RXFP2: variants seen among roughly 807,000 people sequenced by gnomAD.
The protein encoded by RXFP2 is relaxin receptor 2.
RXFP2 carries 68 observed loss-of-function variants against 88.6 expected under a neutral mutation model. The observed-to-expected ratio is 0.77, with a 90% CI of 0.63 to 0.94. The LOEUF (loss-of-function observed/expected upper bound fraction) is 0.94. Among genes scored for constraint, RXFP2 ranks in the 40% least tolerant of loss-of-function variants. The pLI is 0.00. For synonymous variants in RXFP2, 329 were observed against 306.8 expected, an observed-to-expected ratio of 1.07 and a Z score of -0.76; for missense variants, 791 against 893.9, an observed-to-expected ratio of 0.88 and a Z score of 1.47.
chr13:31,752,362 G>A (rs1490405922), intron 1 of RXFP2, among the ~76,000 whole-genome samples: 3 of 152,010 alleles, frequency 2.0e-5, no homozygotes, highest in African/African-American at 4.8e-5. Context: ...AGAAGAACAC[G>A]ACAGAAAATA....
intron 11 of RXFP2, 110 bp downstream of exon 11, chr13:31,782,857 A>G: frequency 1.4e-6 from 1 of 711,602 alleles, no homozygotes; most frequent in Non-Finnish European, 2.5e-6. Flanking sequence ...CCTGTAGACT[A>G]TTGGATATTA....
intron 1 of RXFP2, among the ~76,000 whole-genome samples, chr13:31,753,889 A>G (rs1437463918): frequency 6.6e-6 from 1 of 151,998 alleles, no homozygotes; most frequent in Non-Finnish European, 1.5e-5. Flanking sequence ...ACATTAAGTT[A>G]GACAATAGAG....
intron 16 of RXFP2, among the ~76,000 whole-genome samples, chr13:31,794,368 CCACACACACA>C (rs56077729): frequency 0.01 from 1,521 of 145,644 alleles, 10 homozygotes; most frequent in African/African-American, 0.016. Context: ...GAAACACACA[CCACACACACA>C]CACACACACA....
At chr13:31,788,293 T>A (rs1271401802) in intron 13 of RXFP2, among the ~76,000 whole-genome samples, 2 of 152,186 alleles carry the variant, frequency 1.3e-5, no homozygotes, top group East Asian at 1.9e-4. Context: ...CTCAGAACCA[T>A]GTTGAGAAAT....
chr13:31,759,375 GAGAA>G (rs71099990), intron 2 of RXFP2, among the ~76,000 whole-genome samples: 891 of 22,968 alleles, frequency 0.039, 34 homozygotes, highest in East Asian at 0.066. Flanking sequence ...CATTTGGATT[GAGAA>G]AGAAAGAAAG....
intron 16 of RXFP2, 99 bp from the exon 17 acceptor site, chr13:31,797,102 G>T: frequency 1.2e-6 from 1 of 857,140 alleles, no homozygotes; most frequent in South Asian, 1.4e-5. Context: ...AACATTTCTG[G>T]TTTCAAACAT....
intron 5 of RXFP2, 36 bp downstream of exon 5, chr13:31,766,063 A>AT (rs762624336): frequency 1.9e-6 from 2 of 1,071,984 alleles, no homozygotes; most frequent in Non-Finnish European, 2.9e-6. Context: ...ATTTAAAAAA[A>AT]ATCCTCGTGG....
intron 14 of RXFP2, among the ~76,000 whole-genome samples, chr13:31,791,410 G>A (rs559133288): frequency 1.7e-4 from 26 of 152,254 alleles, no homozygotes; most frequent in Admixed American, 4.6e-4. Flanking sequence ...CTAGGTGAGC[G>A]ACAATAGGCT....
At chr13:31,769,787 GT>G (rs1476606596) in intron 5 of RXFP2, among the ~76,000 whole-genome samples, 1 of 152,156 alleles carries the variant, frequency 6.6e-6, no homozygotes, top group Non-Finnish European at 1.5e-5. Flanking sequence ...TTGAGAGTTA[GT>G]CATGGGTCCT....
chr13:31,761,203 C>T (rs565537454), intron 2 of RXFP2, among the ~76,000 whole-genome samples: 3 of 152,276 alleles, frequency 2.0e-5, no homozygotes, highest in Admixed American at 2.0e-4. Flanking sequence ...ATCCTCCCAC[C>T]TCAGCCTCCC....
intron 2 of RXFP2, among the ~76,000 whole-genome samples, chr13:31,760,383 G>A (rs568174676): frequency 5.3e-5 from 8 of 152,230 alleles, no homozygotes; most frequent in African/African-American, 1.4e-4. Context: ...GAGCCACTGC[G>A]CTTGGCCCTT....
At position 31,802,456 on chromosome 13, in the gene RXFP2, A is replaced by T. The variant is rs557016552; in HGVS notation, c.*51A>T. 5.7e-6 allele frequency: 9 copies of T among 1,581,580 alleles called. No individual in the cohort carries two copies. In the Admixed American group the frequency reaches 6.7e-5, roughly 12 times the overall value. On this transcript the variant is annotated 3_prime_UTR_variant, in exon 18 of 18. Coordinates refer to ENST00000298386, the MANE Select transcript of RXFP2 (RefSeq NM_130806.5). ...CAGTGGACTACCTAAAACAGGGGAC[A>T]GCTTTTGGAAGATGACATCTGCAAT...
chr13:31,765,046 A>T lies in RXFP2; in HGVS notation c.329A>T (p.Gln110Leu), dbSNP rs772465885. ...CTTTTTGTCCCATTAGTTCTAAAAC[A>T]GTATCCACAATGCTGTGACTGCAAA... ...VALTQECFLKQYPQCCDCKET... is the reference protein window; with the variant it reads ...VALTQECFLKLYPQCCDCKET... Residue 110 changes from glutamine to leucine, a missense_variant, in exon 4 of 18, where the codon CAG (glutamine) becomes CTG (leucine). Transcript: ENST00000298386. 3.1e-6 allele frequency: 5 copies of T among 1,587,566 alleles called. No homozygotes were observed. The highest frequency in any genetic ancestry group is 3.3e-5 in the Admixed American group (2 of 59,978).
At chr13:31,782,554 C>G in intron 10 of RXFP2, 122 bp from the exon 11 acceptor site, 1 of 753,116 alleles carries the variant, frequency 1.3e-6, no homozygotes, top group Non-Finnish European at 2.4e-6. Context: ...CCAAAAGATG[C>G]CTCCCTTGAA....
At chr13:31,794,836 G>A (rs79208772) in intron 16 of RXFP2, among the ~76,000 whole-genome samples, 4,877 of 151,726 alleles carry the variant, frequency 0.032, 145 homozygotes, top group South Asian at 0.16. Context: ...CATGGAGCTC[G>A]GCCCAAAGGA....
At chr13:31,748,803 G>A (rs763076807) in intron 1 of RXFP2, among the ~76,000 whole-genome samples, 7 of 152,058 alleles carry the variant, frequency 4.6e-5, no homozygotes, top group Non-Finnish European at 5.9e-5. Flanking sequence ...TGGCCAACAT[G>A]GTGAAACCCC....
chr13:31,798,360 G>C (rs74044228), intron 17 of RXFP2, among the ~76,000 whole-genome samples: 1,864 of 152,282 alleles, frequency 0.012, 41 homozygotes, highest in African/African-American at 0.043. Flanking sequence ...ATGCTCCTCA[G>C]GCCGTGTAGG....
chr13:31,803,051 T>A lies in RXFP2; in HGVS notation c.*646T>A, dbSNP rs894717823. 5.9e-5 allele frequency: 9 copies of A among 152,380 alleles called. No homozygotes were observed. The highest frequency in any genetic ancestry group is 2.2e-4 in the African/African-American group (9 of 41,458). 9.4% of individuals were successfully genotyped at this position (152,380 alleles called of 1,614,324 possible). On this transcript the variant is annotated 3_prime_UTR_variant, in exon 18 of 18. Transcript: ENST00000298386. Reference sequence around the variant, plus strand: ...GGATTTTATTTAATATCAGAAGAGATGAATTCTTAAGATATTTTTCTGAAG... The same window carrying A: ...GGATTTTATTTAATATCAGAAGAGAAGAATTCTTAAGATATTTTTCTGAAG...
chr13:31,782,626 T>C lies in RXFP2; in HGVS notation c.858-50T>C, dbSNP rs79623122. Reference sequence around the variant, plus strand: ...AGTGGCCTCTCCCAATGAGAACTGATTACTACAGCAGACGCAAACCCACAT... The same window carrying C: ...AGTGGCCTCTCCCAATGAGAACTGACTACTACAGCAGACGCAAACCCACAT... On this transcript the variant is annotated intron_variant, in intron 10 of 17. Transcript: ENST00000298386. 18 of 1,344,550 alleles carry C rather than the reference T, an allele frequency of 1.3e-5. No individual in the cohort carries two copies. In the East Asian group the frequency reaches 4.1e-4, roughly 31 times the overall value. 83.3% of individuals were successfully genotyped at this position (1,344,550 alleles called of 1,614,324 possible).
Sources: gnomAD v4.1 joint callset for allele counts (sites outside exome capture counted in the v4.1 genomes callset) on GRCh38, gnomAD v4.1.1 for gene constraint, MANE v1.5 for transcripts, NCBI Gene and HGNC (gene_info 2026-07-23, HGNC 2026-07-21) for gene names.